AGBL4: variants seen among roughly 807,000 people sequenced by gnomAD.
AGBL4 encodes the protein cytosolic carboxypeptidase 6.
AGBL4 carries 58 observed loss-of-function variants against 66.4 expected under a neutral mutation model. That is an observed-to-expected ratio of 0.87 (90% CI 0.71 to 1.09). AGBL4 has a LOEUF of 1.09. Ranked by LOEUF, AGBL4 falls within the 50% of genes least tolerant of loss-of-function variation. AGBL4 has a pLI of 0.00. For synonymous variants in AGBL4, 234 were observed against 222.9 expected, an observed-to-expected ratio of 1.05 and a Z score of -0.44; for missense variants, 579 against 631.0, an observed-to-expected ratio of 0.92 and a Z score of 0.88.
intron 3 of AGBL4, among the ~76,000 whole-genome samples, chr1:49,560,204 G>C (rs181601039): frequency 1.3e-5 from 2 of 151,888 alleles, no homozygotes; most frequent in Admixed American, 6.6e-5. Flanking sequence ...GATGTGTTGA[G>C]GAAACTCAAA....
At chr1:49,881,017 CT>C (rs1310755384) in intron 1 of AGBL4, among the ~76,000 whole-genome samples, 1 of 152,158 alleles carries the variant, frequency 6.6e-6, no homozygotes, top group Admixed American at 6.5e-5. Flanking sequence ...CCTGCTTAGG[CT>C]CGCGCACAGT....
At chr1:48,631,476 C>T (rs1645592516) in intron 9 of AGBL4, among the ~76,000 whole-genome samples, 1 of 152,250 alleles carries the variant, frequency 6.6e-6, no homozygotes, top group South Asian at 2.1e-4. Context: ...CTGCAACCTC[C>T]GTCTCCCAGG....
chr1:48,672,709 G>C (rs1288170934), intron 6 of AGBL4, among the ~76,000 whole-genome samples: 1 of 152,192 alleles, frequency 6.6e-6, no homozygotes, highest in Non-Finnish European at 1.5e-5. Flanking sequence ...TGAAGGCCCA[G>C]ACATCACAGA....
Position 49,301,305 on chromosome 1 carries a change from T to A in AGBL4, c.283-55441A>T, listed in dbSNP as rs961832315. Among the ~76,000 whole-genome samples, 3 of 152,126 alleles carry A rather than the reference T, an allele frequency of 2.0e-5. No individual in the cohort carries two copies. The East Asian group carries it at 5.8e-4, about 29-fold the overall frequency. Reference sequence around the variant, plus strand: ...GAACCTGAAACAACCTTTGCAAAAATTATAACAGTGAGAGAAATTTAACAG... The same window carrying A: ...GAACCTGAAACAACCTTTGCAAAAAATATAACAGTGAGAGAAATTTAACAG... On this transcript the variant is annotated intron_variant, in intron 3 of 13. Coordinates refer to ENST00000371839, the MANE Select transcript of AGBL4 (RefSeq NM_032785.4).
At chr1:49,177,786 C>T (rs576488193) in intron 4 of AGBL4, among the ~76,000 whole-genome samples, 3 of 152,232 alleles carry the variant, frequency 2.0e-5, no homozygotes, top group South Asian at 2.1e-4. Context: ...GGCATAGCAC[C>T]TGCTGCATAG....
intron 3 of AGBL4, among the ~76,000 whole-genome samples, chr1:49,391,266 AG>A (rs1464091316): frequency 1.3e-5 from 2 of 152,162 alleles, no homozygotes; most frequent in Non-Finnish European, 2.9e-5. Context: ...CTTTATCCTG[AG>A]GTTAGTGAAA....
intron 5 of AGBL4, among the ~76,000 whole-genome samples, chr1:49,030,750 G>A (rs1403519072): frequency 6.7e-6 from 1 of 150,216 alleles, no homozygotes; most frequent in East Asian, 2.0e-4. Context: ...TGCCAAAAAG[G>A]TTGGGGACCG....
chr1:49,931,111 C>T (rs1653305123), intron 1 of AGBL4, among the ~76,000 whole-genome samples: 1 of 151,950 alleles, frequency 6.6e-6, no homozygotes, highest in African/African-American at 2.4e-5. Context: ...TACATATCCG[C>T]AATGAACAAT....
At chr1:48,741,953 T>C (rs1649980083) in intron 6 of AGBL4, among the ~76,000 whole-genome samples, 2 of 152,248 alleles carry the variant, frequency 1.3e-5, no homozygotes, top group Non-Finnish European at 1.5e-5. Context: ...CCTGCTGGTA[T>C]ATCATCATGT....
At chr1:49,466,626 T>G (rs1445844011) in intron 3 of AGBL4, among the ~76,000 whole-genome samples, 1 of 151,842 alleles carries the variant, frequency 6.6e-6, no homozygotes. Context: ...TTTACACTTT[T>G]CTGGCTCCAT....
chr1:49,941,714 A>G (rs1654776014), intron 1 of AGBL4, among the ~76,000 whole-genome samples: 2 of 152,036 alleles, frequency 1.3e-5, no homozygotes, highest in African/African-American at 4.8e-5. Context: ...TCAAAAATTA[A>G]GTATAGAAGA....
At chr1:48,539,865 G>A (rs1644036613) in intron 11 of AGBL4, 127 bp from the exon 12 acceptor site, 1 of 539,626 alleles carries the variant, frequency 1.9e-6, no homozygotes, top group Non-Finnish European at 3.0e-6. Context: ...CTTTTTGTAT[G>A]CGCTGTCTTT....
intron 3 of AGBL4, among the ~76,000 whole-genome samples, chr1:49,293,196 C>T (rs1293116963): frequency 6.6e-6 from 1 of 152,214 alleles, no homozygotes; most frequent in African/African-American, 2.4e-5. Flanking sequence ...CTTGGAGCTG[C>T]CTGCCTCACT....
chr1:49,050,848 A>C (rs1267440683), intron 4 of AGBL4, among the ~76,000 whole-genome samples: 5 of 152,126 alleles, frequency 3.3e-5, no homozygotes, highest in Non-Finnish European at 5.9e-5. Flanking sequence ...TTGGCCTTAA[A>C]GAGGAGCTCA....
intron 4 of AGBL4, among the ~76,000 whole-genome samples, chr1:49,059,510 T>G (rs993164019): frequency 6.6e-6 from 1 of 152,216 alleles, no homozygotes; most frequent in Non-Finnish European, 1.5e-5. Flanking sequence ...AATGTGGGGT[T>G]GGAGCCCCTA....
intron 8 of AGBL4, 70 bp downstream of exon 8, chr1:48,653,267 G>A (rs759787328): frequency 7.4e-5 from 89 of 1,205,682 alleles, no homozygotes; most frequent in Middle Eastern, 2.0e-4. Flanking sequence ...AATATATCCC[G>A]TATTTTTTCT....
At chr1:49,568,579 A>G (rs1644264402) in intron 3 of AGBL4, among the ~76,000 whole-genome samples, 1 of 151,908 alleles carries the variant, frequency 6.6e-6, no homozygotes, top group African/African-American at 2.4e-5. Context: ...AATACTGACC[A>G]AAGTTATTTA....
intron 3 of AGBL4, among the ~76,000 whole-genome samples, chr1:49,299,026 G>C (rs1354879972): frequency 6.6e-6 from 1 of 151,938 alleles, no homozygotes; most frequent in Non-Finnish European, 1.5e-5. Context: ...AATGACCATT[G>C]CCGTTTACTA....
chr1:49,803,869 C>T (rs4272666), intron 2 of AGBL4, among the ~76,000 whole-genome samples: 92,582 of 151,970 alleles, frequency 0.61, 28,867 homozygotes, highest in Non-Finnish European at 0.67. Flanking sequence ...GTTATTAACA[C>T]TTCTGATTTT....
Sources: gnomAD v4.1 joint callset for allele counts (sites outside exome capture counted in the v4.1 genomes callset) on GRCh38, gnomAD v4.1.1 for gene constraint, MANE v1.5 for transcripts, NCBI Gene and HGNC (gene_info 2026-07-23, HGNC 2026-07-21) for gene names.